SUCLG2: variants seen among roughly 807,000 people sequenced by gnomAD.
SUCLG2 encodes succinate--CoA ligase [GDP-forming] subunit beta, mitochondrial.
A neutral mutation model predicts 47.9 loss-of-function variants in SUCLG2; 42 were observed. The observed-to-expected ratio is 0.88, with a 90% CI of 0.69 to 1.14. SUCLG2 has a LOEUF of 1.14. SUCLG2 is among the 50% of genes most tolerant of loss of function. The pLI, the probability that SUCLG2 is intolerant of heterozygous loss-of-function variation, is 0.00. For missense variants in SUCLG2, 571 were observed against 525.9 expected, an observed-to-expected ratio of 1.09 and a Z score of -0.84; for synonymous variants, 195 against 197.3, an observed-to-expected ratio of 0.99 and a Z score of 0.10.
intron 2 of SUCLG2, among the ~76,000 whole-genome samples, chr3:67,560,682 G>A (rs1302337283): frequency 6.6e-6 from 1 of 152,090 alleles, no homozygotes; most frequent in African/African-American, 2.4e-5. Context: ...CCCAACCCCA[G>A]GAGTAAACTC....
At chr3:67,410,992 T>C (rs1702921172) in intron 9 of SUCLG2, among the ~76,000 whole-genome samples, 1 of 152,226 alleles carries the variant, frequency 6.6e-6, no homozygotes, top group Non-Finnish European at 1.5e-5. Flanking sequence ...ACTTATGTCA[T>C]CTTGATGCAT....
rs1559548276 is a variant in SUCLG2, at chr3:67,498,148, T to C, written c.905A>G (p.Asn302Ser). 6.2e-7 allele frequency: 1 copy of C among 1,609,704 alleles called. No individual in the cohort carries two copies. Among genetic ancestry groups the C allele is most frequent in the South Asian group, 1.1e-5 (1 of 90,350 alleles). ...YDLKYIGLDGNIACFVNGAGL... is the reference protein window; with the variant it reads ...YDLKYIGLDGSIACFVNGAGL... ...CTGCTTCTTACCAAAGCAGGCAATG[T>C]TCCCATCTAGTCCTATGTATTTTAG... Residue 302 changes from asparagine to serine, a missense_variant, in exon 8 of 11, where the codon AAC (asparagine) becomes AGC (serine). Transcript: ENST00000307227.
At chr3:67,548,494 T>C (rs1332207740) in intron 2 of SUCLG2, among the ~76,000 whole-genome samples, 3 of 151,856 alleles carry the variant, frequency 2.0e-5, no homozygotes, top group Non-Finnish European at 4.4e-5. Context: ...GTTATTAGAG[T>C]TTAAAAATAT....
chr3:67,496,351 T>G (rs1705338627), intron 8 of SUCLG2, among the ~76,000 whole-genome samples: 1 of 152,194 alleles, frequency 6.6e-6, no homozygotes, highest in African/African-American at 2.4e-5. Context: ...TACATTCTTT[T>G]TAATATACTT....
chr3:67,496,477 A>G (rs1705342743), intron 8 of SUCLG2, among the ~76,000 whole-genome samples: 1 of 152,292 alleles, frequency 6.6e-6, no homozygotes, highest in African/African-American at 2.4e-5. Flanking sequence ...GTGGGATTTT[A>G]TACTTTTTTA....
At chr3:67,511,581 C>T (rs1705790973) in intron 6 of SUCLG2, among the ~76,000 whole-genome samples, 1 of 152,190 alleles carries the variant, frequency 6.6e-6, no homozygotes, top group South Asian at 2.1e-4. Flanking sequence ...GATTGTGAGG[C>T]TTCCCCAGCC....
At chr3:67,588,230 A>C (rs939308613) in intron 2 of SUCLG2, among the ~76,000 whole-genome samples, 34 of 152,146 alleles carry the variant, frequency 2.2e-4, no homozygotes, top group African/African-American at 8.2e-4. Flanking sequence ...TAAGAACTAA[A>C]ATTGGTCTTT....
intron 1 of SUCLG2, among the ~76,000 whole-genome samples, chr3:67,642,609 C>T (rs1701120572): frequency 6.6e-6 from 1 of 152,110 alleles, no homozygotes; most frequent in Non-Finnish European, 1.5e-5. Context: ...AACAAGACCC[C>T]ATCTCTACAT....
At chr3:67,476,484 G>A (rs749389165) in intron 9 of SUCLG2, among the ~76,000 whole-genome samples, 17 of 151,968 alleles carry the variant, frequency 1.1e-4, no homozygotes, top group Non-Finnish European at 2.1e-4. Flanking sequence ...CAAGCTCAAA[G>A]TGCCCACTGA....
At chr3:67,634,295 C>A (rs1700973419) in intron 1 of SUCLG2, among the ~76,000 whole-genome samples, 1 of 152,130 alleles carries the variant, frequency 6.6e-6, no homozygotes, top group Non-Finnish European at 1.5e-5. Context: ...GTCTGTAGGA[C>A]TCTTCAGCTG....
At chr3:67,443,968 G>A (rs1400765627) in intron 9 of SUCLG2, among the ~76,000 whole-genome samples, 2 of 112,084 alleles carry the variant, frequency 1.8e-5, no homozygotes, top group African/African-American at 3.0e-5. Flanking sequence ...GTGGGGGGGG[G>A]TCAGCCCCCC....
At chr3:67,497,762 C>G (rs1028669484) in intron 8 of SUCLG2, among the ~76,000 whole-genome samples, 4 of 152,092 alleles carry the variant, frequency 2.6e-5, no homozygotes, top group African/African-American at 9.7e-5. Flanking sequence ...TTTTTGCATA[C>G]CACAGCCATT....
chr3:67,372,517 T>C (rs1701968811), downstream of SUCLG2, among the ~76,000 whole-genome samples: 1 of 152,188 alleles, frequency 6.6e-6, no homozygotes, highest in Non-Finnish European at 1.5e-5. Context: ...TTAATATTCA[T>C]AGCCATGATT....
At chr3:67,452,294 TATC>T (rs888312246) in intron 9 of SUCLG2, among the ~76,000 whole-genome samples, 4 of 152,302 alleles carry the variant, frequency 2.6e-5, no homozygotes, top group African/African-American at 7.2e-5. Context: ...AAGCATAAGT[TATC>T]ATAATATTTT....
intron 2 of SUCLG2, among the ~76,000 whole-genome samples, chr3:67,560,325 C>T (rs1707276104): frequency 6.6e-6 from 1 of 152,182 alleles, no homozygotes; most frequent in Admixed American, 6.5e-5. Context: ...ACCCTGCCAC[C>T]ACCTTGAGCA....
At chr3:67,396,398 A>G (rs1702531163) in intron 10 of SUCLG2, among the ~76,000 whole-genome samples, 1 of 152,162 alleles carries the variant, frequency 6.6e-6, no homozygotes, top group Non-Finnish European at 1.5e-5. Context: ...AAACACCTCT[A>G]CGCAAATAAA....
At chr3:67,387,658 C>T (rs545491338) in intron 10 of SUCLG2, among the ~76,000 whole-genome samples, 54 of 152,162 alleles carry the variant, frequency 3.5e-4, no homozygotes, top group African/African-American at 1.1e-3. Context: ...TTTTATAATA[C>T]GCAGATGATA....
chr3:67,577,804 C>A (rs185654366), intron 2 of SUCLG2, among the ~76,000 whole-genome samples: 17 of 152,290 alleles, frequency 1.1e-4, no homozygotes, highest in African/African-American at 4.1e-4. Context: ...CACTACCAGC[C>A]ATCATGCTAC....
At chr3:67,641,047 T>TA (rs1223876987) in intron 1 of SUCLG2, among the ~76,000 whole-genome samples, 8 of 152,238 alleles carry the variant, frequency 5.3e-5, no homozygotes, top group African/African-American at 1.2e-4. Flanking sequence ...AAAATCAAAA[T>TA]AAAAAAATAC....
Sources: allele counts gnomAD v4.1 joint callset (sites outside exome capture counted in the v4.1 genomes callset), GRCh38; gene constraint gnomAD v4.1.1; transcripts MANE v1.5; gene names NCBI Gene and HGNC (gene_info 2026-07-23, HGNC 2026-07-21).